SNX8: variants seen among roughly 807,000 people sequenced by gnomAD.
SNX8 encodes sorting nexin 8, also known as sorting nexin-8.
SNX8 carries 25 observed loss-of-function variants against 51.6 expected under a neutral mutation model. The ratio of observed to expected loss-of-function variants is 0.48; its 90% CI spans 0.35 to 0.68. The LOEUF is 0.68. SNX8 is among the 30% of genes least tolerant of loss of function. SNX8 has a pLI of 0.00. For missense variants in SNX8, 695 were observed against 624.0 expected, an observed-to-expected ratio of 1.11 and a Z score of -1.21; for synonymous variants, 324 against 277.0, an observed-to-expected ratio of 1.17 and a Z score of -1.68.
At chr7:2,320,779 G>C (rs1796818791) in intron 1 of SNX8, among the ~76,000 whole-genome samples, 1 of 152,010 alleles carries the variant, frequency 6.6e-6, no homozygotes, top group Admixed American at 6.6e-5. Flanking sequence ...CCAGCAATTT[G>C]GGAGGCCGAG....
At chr7:2,300,226 G>A (rs1347426359) in intron 1 of SNX8, among the ~76,000 whole-genome samples, 2 of 152,148 alleles carry the variant, frequency 1.3e-5, no homozygotes, top group Non-Finnish European at 2.9e-5. Flanking sequence ...GGTTAACCAG[G>A]ATGCTCAGAT....
intron 1 of SNX8, among the ~76,000 whole-genome samples, chr7:2,293,118 C>T (rs1275881874): frequency 6.6e-6 from 1 of 150,814 alleles, no homozygotes; most frequent in Non-Finnish European, 1.5e-5. Context: ...AAAGTGAGAC[C>T]AGGCTGGGCA....
chr7:2,253,014 C>A lies in SNX8; in HGVS notation c.*2042G>T. ...CTCCTGTTCTCCTGACCCCTGCCCTCCTGCTCCCCCAACTCCTGCCCTCCT... is the reference window on the plus strand; with the variant it reads ...CTCCTGTTCTCCTGACCCCTGCCCTACTGCTCCCCCAACTCCTGCCCTCCT... On this transcript the variant is annotated 3_prime_UTR_variant, in exon 11 of 11. Transcript: ENST00000222990. 1 of 143,148 alleles carries A rather than the reference C, an allele frequency of 7.0e-6. No individual in the cohort carries two copies. 8.9% of individuals were successfully genotyped at this position (143,148 alleles called of 1,614,324 possible).
intron 1 of SNX8, among the ~76,000 whole-genome samples, chr7:2,346,616 G>C (rs1162249719): frequency 6.6e-6 from 1 of 150,966 alleles, no homozygotes. Context: ...CGTGGTGGTG[G>C]GCACCTGTAG....
At chr7:2,297,708 A>G (rs1240372972) in intron 1 of SNX8, among the ~76,000 whole-genome samples, 1 of 151,922 alleles carries the variant, frequency 6.6e-6, no homozygotes, top group East Asian at 1.9e-4. Context: ...CTACTCAGTC[A>G]TAGAAAAGAA....
At chr7:2,284,982 G>A (rs1584701410) in intron 1 of SNX8, among the ~76,000 whole-genome samples, 1 of 152,020 alleles carries the variant, frequency 6.6e-6, no homozygotes, top group South Asian at 2.1e-4. Flanking sequence ...GGAGGCTGAG[G>A]TGGGCGGATC....
Position 2,343,491 on chromosome 7 carries a change from C to T in SNX8, c.-66+10731G>A, listed in dbSNP as rs368505862. On this transcript the variant is annotated intron_variant, in intron 1 of 5. Transcript: ENST00000435336. ...GAGATCGAGACGATCCTGGCTAACA[C>T]GGTGAAACCCCGTCTCTACTAAAAA... is the stretch of plus-strand genomic sequence containing the variant. Among the ~76,000 whole-genome samples the T allele has an allele frequency of 4.2e-4, 64 of 151,640 alleles. 2 individuals carry two copies. In the South Asian group the frequency reaches 6.2e-3, roughly 15 times the overall value.
chr7:2,327,020 G>A (rs1201365501), intron 1 of SNX8, among the ~76,000 whole-genome samples: 1 of 152,148 alleles, frequency 6.6e-6, no homozygotes, highest in African/African-American at 2.4e-5. Flanking sequence ...TATTGTCTCA[G>A]AGTGCTTGAG....
At chr7:2,345,350 A>T (rs1444180608) in intron 1 of SNX8, among the ~76,000 whole-genome samples, 1 of 152,196 alleles carries the variant, frequency 6.6e-6, no homozygotes, top group African/African-American at 2.4e-5. Context: ...GTCCATTTAA[A>T]GACGTAAATG....
intron 1 of SNX8, among the ~76,000 whole-genome samples, chr7:2,313,323 C>T (rs1417338358): frequency 1.3e-5 from 2 of 151,488 alleles, no homozygotes; most frequent in Non-Finnish European, 2.9e-5. Flanking sequence ...GTCAGGAGTT[C>T]GAGACCAGCC....
chr7:2,288,081 G>T (rs1036778948), intron 1 of SNX8: 1 of 152,178 alleles, frequency 6.6e-6, no homozygotes, highest in Non-Finnish European at 1.5e-5. Flanking sequence ...AGTGGCTCAC[G>T]CCCGTAATCC....
chr7:2,321,327 T>C (rs572044988), intron 1 of SNX8, among the ~76,000 whole-genome samples: 53 of 152,154 alleles, frequency 3.5e-4, no homozygotes, highest in African/African-American at 9.9e-4. Context: ...GTTTGGAGAG[T>C]GCCTTGGGAA....
intron 1 of SNX8, among the ~76,000 whole-genome samples, chr7:2,329,838 T>A (rs1778697206): frequency 6.6e-6 from 1 of 151,846 alleles, no homozygotes; most frequent in Admixed American, 6.6e-5. Flanking sequence ...GTCCTTTTTT[T>A]TTTTTTTGAG....
chr7:2,282,018 A>G (rs1289585082), intron 1 of SNX8, among the ~76,000 whole-genome samples: 6 of 152,146 alleles, frequency 3.9e-5, no homozygotes, highest in Non-Finnish European at 7.4e-5. Flanking sequence ...CTTGCCCCTG[A>G]AATGCCGCTC....
chr7:2,347,012 C>A (rs1779043483), intron 1 of SNX8, among the ~76,000 whole-genome samples: 1 of 151,618 alleles, frequency 6.6e-6, no homozygotes, highest in Admixed American at 6.6e-5. Flanking sequence ...TTTGAAGAAG[C>A]CAAGCATCAT....
chr7:2,338,441 G>A lies in SNX8; in HGVS notation c.-66+15781C>T, dbSNP rs1024177929. 6.5e-4 allele frequency among the ~76,000 whole-genome samples: 97 copies of A among 149,368 alleles called. 2 individuals carry two copies. The highest frequency in any genetic ancestry group is 1.4e-3 in the East Asian group (7 of 5,066). On this transcript the variant is annotated intron_variant, in intron 1 of 5. Coordinates refer to the SNX8 transcript ENST00000435336. ...CATGCCACTGCACTCTAGCCTGGGC[G>A]ACAGAGAGAGACTGTGTCTCAAAAA...
At position 2,331,705 on chromosome 7, in the gene SNX8, A is replaced by AAAATAAATAAAT. The variant is rs61385746; in HGVS notation, c.-66+22505_-66+22516dup. Among the ~76,000 whole-genome samples the AAAATAAATAAAT allele has an allele frequency of 7.7e-3, 1,114 of 145,582 alleles. 7 individuals carry two copies. The highest frequency in any genetic ancestry group is 0.019 in the African/African-American group (738 of 39,764). Reference sequence around the variant, plus strand: ...GGGCAACAGAGTGACACTCCGTCTCAAAATAAATAAATAAATAAATAAATA... The same window carrying AAAATAAATAAAT: ...GGGCAACAGAGTGACACTCCGTCTCAAAATAAATAAATAAATAAATAAATAAATAAATAAATA... On this transcript the variant is annotated intron_variant, in intron 1 of 5. Transcript: ENST00000435336.
At chr7:2,327,865 CT>C (rs200030875) in intron 1 of SNX8, among the ~76,000 whole-genome samples, 2 of 150,022 alleles carry the variant, frequency 1.3e-5, no homozygotes, top group African/African-American at 2.5e-5. Context: ...TTCTTATTTC[CT>C]TTTTTTTTCT....
intron 1 of SNX8, among the ~76,000 whole-genome samples, chr7:2,327,271 GCT>G (rs1404340869): frequency 2.2e-4 from 33 of 152,132 alleles, no homozygotes; most frequent in African/African-American, 7.7e-4. Flanking sequence ...ACAGAGTCTG[GCT>G]CTGTTGCCCA....
Sources: allele counts gnomAD v4.1 joint callset (sites outside exome capture counted in the v4.1 genomes callset), GRCh38; gene constraint gnomAD v4.1.1; transcripts MANE v1.5; gene names NCBI Gene and HGNC (gene_info 2026-07-23, HGNC 2026-07-21).